PCSK2: variants seen among roughly 807,000 people sequenced by gnomAD.
The protein encoded by PCSK2 is neuroendocrine convertase 2.
Under a neutral mutation model 69.7 loss-of-function variants are expected in PCSK2, and 14 were observed. That is an observed-to-expected ratio of 0.20 (90% CI 0.13 to 0.31). PCSK2 has a LOEUF of 0.31. PCSK2 is among the 10% of genes least tolerant of loss of function. The probability of loss-of-function intolerance (pLI) is 1.00; values close to 1 mark genes in which losing one functional copy is unlikely to be tolerated. For synonymous variants in PCSK2, 307 were observed against 320.7 expected (o/e 0.96, Z 0.46); for missense variants, 544 against 842.5 (o/e 0.65, Z 4.39).
intron 2 of PCSK2, among the ~76,000 whole-genome samples, chr20:17,347,852 GAAAGA>G (rs1990702276): frequency 5.8e-5 from 6 of 103,204 alleles, no homozygotes; most frequent in Non-Finnish European, 1.2e-4. Context: ...AAGAAAGAAA[GAAAGA>G]AAGAGGAGAG....
chr20:17,324,254 A>G (rs1019334789), intron 2 of PCSK2, among the ~76,000 whole-genome samples: 2 of 152,064 alleles, frequency 1.3e-5, no homozygotes, highest in African/African-American at 4.8e-5. Flanking sequence ...AAATGATACC[A>G]GGCTATAACC....
At chr20:17,425,782 T>C (rs1339614718) in intron 6 of PCSK2, among the ~76,000 whole-genome samples, 1 of 152,186 alleles carries the variant, frequency 6.6e-6, no homozygotes, top group Non-Finnish European at 1.5e-5. Flanking sequence ...AGGTTTCCAA[T>C]GTTCCTGGGC....
At chr20:17,415,401 C>G (rs2031977023) in intron 6 of PCSK2, among the ~76,000 whole-genome samples, 1 of 152,124 alleles carries the variant, frequency 6.6e-6, no homozygotes, top group Admixed American at 6.5e-5. Flanking sequence ...AACAGACAAA[C>G]AGAAAGTCAA....
chr20:17,400,234 T>G (rs1273591427), intron 5 of PCSK2, among the ~76,000 whole-genome samples: 1 of 152,214 alleles, frequency 6.6e-6, no homozygotes, highest in Non-Finnish European at 1.5e-5. Flanking sequence ...TTCTTTTTTA[T>G]TTGCCAGGTA....
At chr20:17,308,801 C>T (rs115700392) in intron 2 of PCSK2, among the ~76,000 whole-genome samples, 2,203 of 152,260 alleles carry the variant, frequency 0.014, 53 homozygotes, top group African/African-American at 0.05. Context: ...ACTGACTCAA[C>T]TCTGCCCCAT....
intron 2 of PCSK2, among the ~76,000 whole-genome samples, chr20:17,302,343 G>T (rs754003524): frequency 6.6e-6 from 1 of 151,998 alleles, no homozygotes; most frequent in Non-Finnish European, 1.5e-5. Flanking sequence ...AAACATGCTG[G>T]TAAATGGTCT....
chr20:17,437,093 G>A (rs902558792), intron 8 of PCSK2, among the ~76,000 whole-genome samples: 1 of 151,426 alleles, frequency 6.6e-6, no homozygotes, highest in African/African-American at 2.4e-5. Context: ...CCTCAGACGC[G>A]ATGCCTACCT....
chr20:17,279,367 C>T (rs1439131840), intron 2 of PCSK2, among the ~76,000 whole-genome samples: 1 of 152,132 alleles, frequency 6.6e-6, no homozygotes, highest in African/African-American at 2.4e-5. Flanking sequence ...TCCTGGTATT[C>T]CTCTTTCTCT....
intron 2 of PCSK2, among the ~76,000 whole-genome samples, chr20:17,303,916 G>A (rs1173723830): frequency 6.9e-6 from 1 of 144,160 alleles, no homozygotes; most frequent in Non-Finnish European, 1.5e-5. Flanking sequence ...CTCAATTTAT[G>A]ACTATATGTA....
At chr20:17,408,794 G>A (rs34357969) in intron 5 of PCSK2, among the ~76,000 whole-genome samples, 2 of 152,216 alleles carry the variant, frequency 1.3e-5, no homozygotes, top group East Asian at 1.9e-4. Flanking sequence ...AAGGAAACCA[G>A]CCTATGCTAG....
At chr20:17,324,428 G>A (rs1174962236) in intron 2 of PCSK2, among the ~76,000 whole-genome samples, 1 of 152,162 alleles carries the variant, frequency 6.6e-6, no homozygotes, top group Admixed American at 6.5e-5. Context: ...AACAACAGAA[G>A]TAGAATCTGG....
intron 5 of PCSK2, among the ~76,000 whole-genome samples, chr20:17,382,462 C>T (rs1007434753): frequency 7.2e-5 from 11 of 152,062 alleles, no homozygotes; most frequent in African/African-American, 2.4e-4. Flanking sequence ...TTAACCTGGC[C>T]CCCTCCAGTC....
intron 2 of PCSK2, among the ~76,000 whole-genome samples, chr20:17,277,844 A>C (rs995041943): frequency 1.6e-4 from 24 of 152,258 alleles, no homozygotes; most frequent in African/African-American, 5.8e-4. Context: ...AATATCCAGA[A>C]TCTACAATGA....
chr20:17,330,886 G>A (rs549005696), intron 2 of PCSK2, among the ~76,000 whole-genome samples: 2 of 152,216 alleles, frequency 1.3e-5, no homozygotes, highest in African/African-American at 4.8e-5. Context: ...TCCAAAGGCA[G>A]GAAGCAGAAG....
chr20:17,396,795 C>A (rs761773342), intron 5 of PCSK2, among the ~76,000 whole-genome samples: 2 of 151,978 alleles, frequency 1.3e-5, no homozygotes, highest in Non-Finnish European at 2.9e-5. Context: ...ATTTTTTATA[C>A]TTTTTGTAGA....
At chr20:17,396,420 A>G (rs2031512339) in intron 5 of PCSK2, among the ~76,000 whole-genome samples, 1 of 152,156 alleles carries the variant, frequency 6.6e-6, no homozygotes, top group African/African-American at 2.4e-5. Context: ...CTGTGTGATC[A>G]CTGGCCTTAA....
At chr20:17,376,457 C>T (rs983991822) in intron 5 of PCSK2, among the ~76,000 whole-genome samples, 18 of 152,202 alleles carry the variant, frequency 1.2e-4, no homozygotes, top group African/African-American at 4.3e-4. Flanking sequence ...GAGGTGTACC[C>T]CAGTCTGGAG....
chr20:17,306,605 G>T (rs1001893190), intron 2 of PCSK2, among the ~76,000 whole-genome samples: 4 of 152,144 alleles, frequency 2.6e-5, no homozygotes, highest in Non-Finnish European at 4.4e-5. Flanking sequence ...GACACTGTTC[G>T]CATAGGAACA....
intron 2 of PCSK2, among the ~76,000 whole-genome samples, chr20:17,346,399 T>TC (rs1372377755): frequency 2.6e-5 from 4 of 151,984 alleles, no homozygotes; most frequent in Admixed American, 2.0e-4. Context: ...CTTCTCCTCG[T>TC]CTCCCCACCA....
Sources: gnomAD v4.1 joint callset for allele counts (sites outside exome capture counted in the v4.1 genomes callset) on GRCh38, gnomAD v4.1.1 for gene constraint, MANE v1.5 for transcripts, NCBI Gene and HGNC (gene_info 2026-07-23, HGNC 2026-07-21) for gene names.